Variants in DOCK4 observed in about 807,000 individuals in gnomAD.
DOCK4 encodes dedicator of cytokinesis 4.
A neutral mutation model predicts 268.1 loss-of-function variants in DOCK4; 97 were observed. The observed-to-expected ratio is 0.36, with a 90% CI of 0.31 to 0.43. The LOEUF (loss-of-function observed/expected upper bound fraction) is 0.43, where lower values mean the gene tolerates loss of function less well. DOCK4 is among the 20% of genes least tolerant of loss of function. The probability of loss-of-function intolerance (pLI) is 1.00; values close to 1 mark genes in which losing one functional copy is unlikely to be tolerated. For missense variants in DOCK4, 2,145 were observed against 2,455.7 expected, an observed-to-expected ratio of 0.87 and a Z score of 2.67; for synonymous variants, 954 against 887.2, an observed-to-expected ratio of 1.08 and a Z score of -1.34.
At chr7:111,829,022 C>G (rs1802614945) in intron 26 of DOCK4, among the ~76,000 whole-genome samples, 1 of 151,758 alleles carries the variant, frequency 6.6e-6, no homozygotes, top group South Asian at 2.1e-4. Context: ...TACACTTTAT[C>G]ACTTTTTAAA....
chr7:112,122,931 G>A (rs1244938853), intron 1 of DOCK4, among the ~76,000 whole-genome samples: 1 of 152,108 alleles, frequency 6.6e-6, no homozygotes, highest in African/African-American at 2.4e-5. Flanking sequence ...TAGACGCCAA[G>A]GGAAACTTCC....
chr7:111,827,555 A>C (rs1409018468), intron 26 of DOCK4, among the ~76,000 whole-genome samples: 1 of 152,156 alleles, frequency 6.6e-6, no homozygotes, highest in African/African-American at 2.4e-5. Flanking sequence ...CGAGAAGCTG[A>C]TACCTGAGTG....
At position 111,881,244 on chromosome 7, in the gene DOCK4, G is replaced by T. The variant is rs1277528581; in HGVS notation, c.1588-4058C>A. ...TCTCTAGGGAAAAATCTAATAATCC[G>T]ATTGAGAAATGGACAAAATATTTGA... On this transcript the variant is annotated intron_variant, in intron 16 of 52. Transcript: ENST00000428084. Among the ~76,000 whole-genome samples the T allele has an allele frequency of 3.9e-5, 6 of 152,216 alleles. No homozygotes were observed. In the East Asian group the frequency reaches 1.2e-3, roughly 29 times the overall value.
At chr7:111,851,732 G>A (rs139839087) in intron 23 of DOCK4, among the ~76,000 whole-genome samples, 2 of 151,284 alleles carry the variant, frequency 1.3e-5, no homozygotes, top group Non-Finnish European at 2.9e-5. Context: ...TCTGTAAAAC[G>A]AGGCTAGCAA....
intron 1 of DOCK4, among the ~76,000 whole-genome samples, chr7:112,138,677 C>T (rs920605555): frequency 5.3e-5 from 8 of 152,118 alleles, no homozygotes; most frequent in South Asian, 4.1e-4. Context: ...GCTAAATGTT[C>T]GTGTCTCTCA....
intron 1 of DOCK4, among the ~76,000 whole-genome samples, chr7:112,192,464 A>T (rs948192058): frequency 1.3e-5 from 2 of 152,032 alleles, no homozygotes; most frequent in African/African-American, 4.8e-5. Flanking sequence ...CTTCCAGGAT[A>T]TGAGACACTC....
At chr7:111,981,679 G>C (rs1798620315) in intron 7 of DOCK4, among the ~76,000 whole-genome samples, 1 of 152,194 alleles carries the variant, frequency 6.6e-6, no homozygotes, top group African/African-American at 2.4e-5. Context: ...GAGAAAATAA[G>C]TTTTCATGTC....
rs567569425 is a variant in DOCK4, at chr7:112,172,747, A to G, written c.37+33355T>C. Among the ~76,000 whole-genome samples, 6 of 152,376 alleles carry G rather than the reference A, an allele frequency of 3.9e-5. No individual in the cohort carries two copies. The East Asian group carries it at 1.2e-3, about 29-fold the overall frequency. Reference sequence around the variant, plus strand: ...GTTACTGTAAGGATATATCAAATACATAAGTAAAAAATGTAAAGCCGGGAA... The same window carrying G: ...GTTACTGTAAGGATATATCAAATACGTAAGTAAAAAATGTAAAGCCGGGAA... On this transcript the variant is annotated intron_variant, in intron 1 of 52. Coordinates refer to ENST00000428084, the MANE Select transcript of DOCK4 (RefSeq NM_001363540.2).
intron 8 of DOCK4, chr7:111,971,391 C>G (rs777226225): frequency 9.9e-5 from 20 of 201,660 alleles, no homozygotes; most frequent in Non-Finnish European, 1.4e-4. Context: ...TTTTGTCTTC[C>G]AAGCTAACCT....
At chr7:112,164,096 A>T (rs970541239) in intron 1 of DOCK4, among the ~76,000 whole-genome samples, 1 of 152,094 alleles carries the variant, frequency 6.6e-6, no homozygotes, top group Admixed American at 6.6e-5. Flanking sequence ...CAGCCTGGAC[A>T]ACATAGAGAA....
intron 1 of DOCK4, among the ~76,000 whole-genome samples, chr7:112,085,959 T>C (rs558907370): frequency 6.6e-6 from 1 of 152,254 alleles, no homozygotes; most frequent in Non-Finnish European, 1.5e-5. Flanking sequence ...TGAAACATTG[T>C]AATATGGGCT....
Position 111,769,675 on chromosome 7 carries a change from C to T in DOCK4, c.3682G>A (p.Ala1228Thr). 6.2e-7 allele frequency: 1 copy of T among 1,612,920 alleles called. No individual in the cohort carries two copies. The highest frequency in any genetic ancestry group is 2.2e-5 in the East Asian group (1 of 44,802). The change falls in exon 37 of 53, where the codon GCT (alanine) becomes ACT (threonine). Residue 1228 changes from alanine (A) to threonine (T), a missense_variant and splice_region_variant. Physicochemically the swap from Ala to Thr is moderately conservative, Grantham distance 58. Around this residue, in one of 2 missense-constraint regions of DOCK4, gnomAD observed 1,598 missense variants for 1,986.7 expected, o/e 0.80. Coordinates refer to ENST00000428084, the MANE Select transcript of DOCK4 (RefSeq NM_001363540.2). Reference sequence around the variant, plus strand: ...TCATATAAGAGGAGGGTATATGCAGCTTCTGCAAGTCACGTGAGAAGACAA... The same window carrying T: ...TCATATAAGAGGAGGGTATATGCAGTTTCTGCAAGTCACGTGAGAAGACAA... The part of the protein sequence containing the change: ...LHLKAQNFTE[A>T]AYTLLLYDEL...
At chr7:112,105,253 T>C (rs145164348) in intron 1 of DOCK4, among the ~76,000 whole-genome samples, 10 of 152,282 alleles carry the variant, frequency 6.6e-5, no homozygotes, top group Admixed American at 4.6e-4. Context: ...TAATAAGTTA[T>C]GGAAAATTGC....
intron 11 of DOCK4, 125 bp from the exon 12 acceptor site, chr7:111,935,753 T>C (rs1794693125): frequency 1.3e-6 from 1 of 745,300 alleles, no homozygotes; most frequent in Non-Finnish European, 2.2e-6. Context: ...CCCATCAACC[T>C]GCTGCAACTG....
At chr7:111,840,476 G>A (rs1341828835) in intron 25 of DOCK4, among the ~76,000 whole-genome samples, 3 of 151,894 alleles carry the variant, frequency 2.0e-5, no homozygotes, top group Admixed American at 2.0e-4. Context: ...TATAAAATCT[G>A]CTTCTACCTA....
At chr7:111,729,266 AGAG>A (rs1271999470) in intron 52 of DOCK4, among the ~76,000 whole-genome samples, 3 of 152,230 alleles carry the variant, frequency 2.0e-5, no homozygotes, top group Admixed American at 2.0e-4. Context: ...ATTTTCAGAT[AGAG>A]GAGAAAGGAG....
chr7:111,816,800 A>G (rs1801591382), intron 27 of DOCK4, among the ~76,000 whole-genome samples: 1 of 152,228 alleles, frequency 6.6e-6, no homozygotes, highest in Non-Finnish European at 1.5e-5. Context: ...AGCTTATACA[A>G]CTTTTAATTT....
intron 1 of DOCK4, among the ~76,000 whole-genome samples, chr7:112,137,987 A>G (rs1224151008): frequency 6.6e-6 from 1 of 152,172 alleles, no homozygotes; most frequent in African/African-American, 2.4e-5. Context: ...GATCATAATC[A>G]ATCATCATCA....
At chr7:111,746,805 C>A (rs531497712) in intron 43 of DOCK4, among the ~76,000 whole-genome samples, 1 of 136,770 alleles carries the variant, frequency 7.3e-6, no homozygotes. Context: ...TAAGCAAGAT[C>A]GGTCTTATCT....
Sources: gnomAD v4.1 joint callset for allele counts (sites outside exome capture counted in the v4.1 genomes callset) on GRCh38, gnomAD v4.1.1 for gene constraint, gnomAD v4.1.1 regional missense constraint, MANE v1.5 for transcripts, NCBI Gene and HGNC (gene_info 2026-07-23, HGNC 2026-07-21) for gene names.